Variants in TTC28 observed in about 807,000 individuals in gnomAD.
TTC28 encodes the protein tetratricopeptide repeat protein 28.
Under a neutral mutation model 198.0 loss-of-function variants are expected in TTC28, and 61 were observed. The ratio of observed to expected loss-of-function variants is 0.31; its 90% CI spans 0.25 to 0.38. The LOEUF (loss-of-function observed/expected upper bound fraction) is 0.38, where lower values mean the gene tolerates loss of function less well. Ranked by LOEUF, TTC28 falls within the 10% of genes least tolerant of loss-of-function variation. The probability of loss-of-function intolerance (pLI) is 1.00; values close to 1 mark genes in which losing one functional copy is unlikely to be tolerated. For missense variants in TTC28, 2,678 were observed against 3,164.0 expected, an observed-to-expected ratio of 0.85 and a Z score of 3.69; for synonymous variants, 1,171 against 1,297.8, an observed-to-expected ratio of 0.90 and a Z score of 2.10.
chr22:28,353,407 T>G (rs1261944877), intron 2 of TTC28, among the ~76,000 whole-genome samples: 1 of 152,112 alleles, frequency 6.6e-6, no homozygotes, highest in Non-Finnish European at 1.5e-5. Flanking sequence ...AAAAAAGAAG[T>G]GCAAAGTTGG....
chr22:28,513,531 G>T (rs1238697306), intron 2 of TTC28, among the ~76,000 whole-genome samples: 1 of 152,178 alleles, frequency 6.6e-6, no homozygotes, highest in African/African-American at 2.4e-5. Flanking sequence ...TTGAGCCCAA[G>T]AATTCGAGGC....
In TTC28 at chr22:28,579,231, A is replaced by G. The variant is rs540455839; in HGVS notation, c.381+50321T>C. ...CACATACATACATACACATGTAGCT[A>G]CACATAGATATGTATAGCTATATGT... On this transcript the variant is annotated intron_variant, in intron 2 of 22. Coordinates refer to ENST00000397906, the MANE Select transcript of TTC28 (RefSeq NM_001145418.2). 3.3e-5 allele frequency among the ~76,000 whole-genome samples: 5 copies of G among 150,590 alleles called. No homozygotes were observed. The East Asian group carries it at 5.9e-4, about 18-fold the overall frequency.
intron 6 of TTC28, among the ~76,000 whole-genome samples, chr22:28,116,027 T>TATTTATTTGCTATAC (rs1942618175): frequency 6.6e-6 from 1 of 152,226 alleles, no homozygotes; most frequent in Non-Finnish European, 1.5e-5. Flanking sequence ...CTAAATGTAT[T>TATTTATTTGCTATAC]ATTTATTTGC....
At chr22:28,467,638 T>A (rs2048040225) in intron 2 of TTC28, among the ~76,000 whole-genome samples, 1 of 152,218 alleles carries the variant, frequency 6.6e-6, no homozygotes, top group Non-Finnish European at 1.5e-5. Context: ...GTCTTCACTA[T>A]GGAATTGTAA....
chr22:28,296,322 TG>T lies in TTC28; in HGVS notation c.808del (p.Gln270ArgfsTer36). On this transcript the variant is annotated frameshift_variant, in exon 5 of 23. Transcript: ENST00000397906. LOFTEE classifies it high-confidence loss of function. ...DLDVAKTLGD[Q>X]TGECRAHGNL... is the part of the protein sequence containing the mutation. ...CCCATGAGCTCGGCATTCTCCTGTCTGGTCACCTGGATTGAATTGAGAAAAA... is the reference window on the plus strand; with the variant it reads ...CCCATGAGCTCGGCATTCTCCTGTCTGTCACCTGGATTGAATTGAGAAAAA... 1 of 1,526,276 alleles carries T rather than the reference TG, an allele frequency of 6.6e-7. No individual in the cohort carries two copies. Among genetic ancestry groups the T allele is most frequent in the Non-Finnish European group, 8.8e-7 (1 of 1,138,592 alleles). The allele number at this position is 1,526,276 out of a possible 1,614,324, so 94.5% of individuals were successfully genotyped here. A position where few individuals can be genotyped will look rare whatever the true frequency, so the allele number is the denominator to read the frequency against.
intron 2 of TTC28, among the ~76,000 whole-genome samples, chr22:28,417,483 G>GA (rs2047186081): frequency 1.3e-5 from 2 of 151,396 alleles, no homozygotes; most frequent in South Asian, 2.1e-4. Flanking sequence ...CTCACAAAAA[G>GA]AAAAAAACAA....
chr22:28,450,707 T>C (rs1286623760), intron 2 of TTC28, among the ~76,000 whole-genome samples: 2 of 152,148 alleles, frequency 1.3e-5, no homozygotes, highest in South Asian at 2.1e-4. Context: ...TTCAGTGGTA[T>C]AATCATTTTT....
At chr22:28,671,937 A>G (rs775490095) in intron 1 of TTC28, among the ~76,000 whole-genome samples, 7 of 151,886 alleles carry the variant, frequency 4.6e-5, no homozygotes, top group Non-Finnish European at 1.5e-5. Context: ...CGGCCTCCCA[A>G]AGTGCTGGGA....
At chr22:28,076,637 C>T (rs573745712) in intron 12 of TTC28, among the ~76,000 whole-genome samples, 7 of 152,188 alleles carry the variant, frequency 4.6e-5, no homozygotes, top group Non-Finnish European at 8.8e-5. Flanking sequence ...AGTGCAGTGG[C>T]GCAACCATAG....
chr22:28,159,331 A>T (rs898117731), intron 6 of TTC28, among the ~76,000 whole-genome samples: 1 of 152,154 alleles, frequency 6.6e-6, no homozygotes, highest in Non-Finnish European at 1.5e-5. Flanking sequence ...ACTATGGAGA[A>T]GGGTTCGGAG....
chr22:28,388,740 G>A (rs912079460), intron 2 of TTC28, among the ~76,000 whole-genome samples: 1 of 152,066 alleles, frequency 6.6e-6, no homozygotes, highest in Non-Finnish European at 1.5e-5. Flanking sequence ...GGAGATTTTG[G>A]GCTGAGACAA....
intron 3 of TTC28, among the ~76,000 whole-genome samples, chr22:28,304,418 T>G (rs1438966802): frequency 6.6e-6 from 1 of 152,124 alleles, no homozygotes; most frequent in Non-Finnish European, 1.5e-5. Flanking sequence ...CCATAAATTG[T>G]TGGTAAGAAA....
At position 28,076,945 on chromosome 22, in the gene TTC28, CATCT is replaced by C. The variant is rs777877026; in HGVS notation, c.3932+17131_3932+17134del. Among the ~76,000 whole-genome samples, 21 of 152,198 alleles carry C rather than the reference CATCT, an allele frequency of 1.4e-4. No individual in the cohort carries two copies. In the East Asian group the frequency reaches 4.0e-3, roughly 29 times the overall value. On this transcript the variant is annotated intron_variant, in intron 12 of 22. Coordinates refer to ENST00000397906, the MANE Select transcript of TTC28 (RefSeq NM_001145418.2). ...TGTCCTTTCTATACAGGTTTTATTG[CATCT>C]ATCTGTATTCTGAAAAGTGTATTTT...
chr22:28,253,439 A>G (rs1216635547), intron 5 of TTC28, among the ~76,000 whole-genome samples: 8 of 152,104 alleles, frequency 5.3e-5, no homozygotes, highest in Admixed American at 4.6e-4. Context: ...CTTATTTTCT[A>G]ACATCATATT....
chr22:28,156,189 T>A (rs1367400210), intron 6 of TTC28, among the ~76,000 whole-genome samples: 2 of 152,152 alleles, frequency 1.3e-5, no homozygotes, highest in African/African-American at 4.8e-5. Flanking sequence ...AAAAGGGACT[T>A]TGCAAATTAA....
At chr22:28,249,523 G>A (rs958805138) in intron 5 of TTC28, among the ~76,000 whole-genome samples, 4 of 152,134 alleles carry the variant, frequency 2.6e-5, no homozygotes, top group African/African-American at 7.2e-5. Context: ...GATAATTTAA[G>A]TGAATTCCTA....
rs1424689875 is a variant in TTC28, at chr22:28,164,937, C to T, written c.934-1338G>A. Among the ~76,000 whole-genome samples, 7 of 152,166 alleles carry T rather than the reference C, an allele frequency of 4.6e-5. 1 individual carries two copies. In the South Asian group the frequency reaches 1.0e-3, roughly 23 times the overall value. On this transcript the variant is annotated intron_variant, in intron 5 of 22. Coordinates refer to ENST00000397906, the MANE Select transcript of TTC28 (RefSeq NM_001145418.2). ...AGAAGTTAAAAACCTTGAAAAAAAA[C>T]TAGACAAATGGCTAACTAGAATAAC...
At chr22:28,261,787 T>C (rs1400377115) in intron 5 of TTC28, among the ~76,000 whole-genome samples, 6 of 152,148 alleles carry the variant, frequency 3.9e-5, no homozygotes, top group African/African-American at 1.4e-4. Context: ...ACTCCTGTGC[T>C]CAAGCAATCT....
chr22:28,401,192 G>GGGGGGAGGAGGAGGA (rs1555987223), intron 2 of TTC28, among the ~76,000 whole-genome samples: 2 of 151,620 alleles, frequency 1.3e-5, no homozygotes, highest in African/African-American at 4.9e-5. Context: ...AAAGGAGGGG[G>GGGGGGAGGAGGAGGA]GGAGGAGGAG....
Sources: gnomAD v4.1 joint callset for allele counts (sites outside exome capture counted in the v4.1 genomes callset) on GRCh38, gnomAD v4.1.1 for gene constraint, MANE v1.5 for transcripts, NCBI Gene and HGNC (gene_info 2026-07-23, HGNC 2026-07-21) for gene names.